The following PCDH9 variants were observed in gnomAD, a reference collection of about 807,000 sequenced individuals.
PCDH9 encodes protocadherin-9.
Under a neutral mutation model 70.6 loss-of-function variants are expected in PCDH9, and 24 were observed. The observed-to-expected ratio is 0.34, with a 90% CI of 0.25 to 0.48. PCDH9 has a LOEUF of 0.48. Among genes scored for constraint, PCDH9 ranks in the 20% least tolerant of loss-of-function variants. The pLI is 0.99. For synonymous variants in PCDH9, 562 were observed against 558.5 expected (o/e 1.01, Z -0.09); for missense variants, 1,281 against 1,503.6 (o/e 0.85, Z 2.45).
At chr13:67,013,154 T>C (rs73211168) in intron 2 of PCDH9, among the ~76,000 whole-genome samples, 24,887 of 151,742 alleles carry the variant, frequency 0.16, 2,163 homozygotes, top group Middle Eastern at 0.24. Flanking sequence ...GGTGAATGTA[T>C]TGGAAAAACA....
intron 3 of PCDH9, among the ~76,000 whole-genome samples, chr13:66,838,399 G>A (rs1192631497): frequency 6.6e-6 from 1 of 151,818 alleles, no homozygotes; most frequent in African/African-American, 2.4e-5. Context: ...TGTCAGTGCA[G>A]TTATTTGGAA....
chr13:66,585,419 A>C (rs1221470816), intron 4 of PCDH9, among the ~76,000 whole-genome samples: 1 of 152,118 alleles, frequency 6.6e-6, no homozygotes, highest in Non-Finnish European at 1.5e-5. Flanking sequence ...CTTATTTTTA[A>C]CAGATTCTTA....
intron 2 of PCDH9, among the ~76,000 whole-genome samples, chr13:67,094,368 A>C (rs2138220614): frequency 6.6e-6 from 1 of 152,350 alleles, no homozygotes; most frequent in South Asian, 2.1e-4. Context: ...ATGTAGCTTA[A>C]CACTATGTAG....
chr13:66,365,548 C>G (rs188728259), intron 4 of PCDH9, among the ~76,000 whole-genome samples: 1 of 152,156 alleles, frequency 6.6e-6, no homozygotes. Context: ...AAATGTGTGA[C>G]TGCTGTGTTA....
intron 3 of PCDH9, among the ~76,000 whole-genome samples, chr13:66,885,462 A>G (rs2081990185): frequency 6.6e-6 from 1 of 152,210 alleles, no homozygotes; most frequent in South Asian, 2.1e-4. Flanking sequence ...ATACTTAATT[A>G]GCTGGGTTAT....
intron 4 of PCDH9, among the ~76,000 whole-genome samples, chr13:66,617,725 T>G (rs4553480): frequency 0.95 from 144,061 of 152,216 alleles, 68,724 homozygotes; most frequent in East Asian, 1. Flanking sequence ...TTTGATACTT[T>G]TTTTCTAATA....
chr13:66,488,727 T>C (rs1340375960), intron 4 of PCDH9, among the ~76,000 whole-genome samples: 1 of 152,174 alleles, frequency 6.6e-6, no homozygotes, highest in African/African-American at 2.4e-5. Flanking sequence ...GTGAATTTAA[T>C]ATAATGACAT....
intron 2 of PCDH9, among the ~76,000 whole-genome samples, chr13:66,906,341 G>A (rs1420211238): frequency 6.6e-6 from 1 of 152,192 alleles, no homozygotes; most frequent in Non-Finnish European, 1.5e-5. Flanking sequence ...CAAACATGAA[G>A]AATGTGAGGA....
chr13:66,713,630 TATA>T (rs1485089898), intron 3 of PCDH9, among the ~76,000 whole-genome samples: 4 of 65,424 alleles, frequency 6.1e-5, no homozygotes, highest in Non-Finnish European at 1.1e-4. Flanking sequence ...TGTGTGTATA[TATA>T]TATATATATA....
intron 2 of PCDH9, among the ~76,000 whole-genome samples, chr13:66,941,887 C>G (rs2083012147): frequency 6.6e-6 from 1 of 151,818 alleles, no homozygotes; most frequent in Admixed American, 6.6e-5. Context: ...TTCAAGTGCA[C>G]CTGGGAAGTG....
chr13:66,437,359 C>A (rs1244312405), intron 4 of PCDH9, among the ~76,000 whole-genome samples: 1 of 132,970 alleles, frequency 7.5e-6, no homozygotes, highest in South Asian at 2.5e-4. Flanking sequence ...GAGCCGAGAT[C>A]GCTCCACCGC....
At position 66,374,054 on chromosome 13, in the gene PCDH9, C is replaced by T. The variant is rs561146579; in HGVS notation, c.3341-69026G>A. On this transcript the variant is annotated intron_variant, in intron 4 of 4. Transcript: ENST00000377865. ...ACAATGATAATTGCTAGGTTAATTG[C>T]TGCAGGGGATTGCCAGAGACTGTCA... Among the ~76,000 whole-genome samples, 15 of 152,168 alleles carry T rather than the reference C, an allele frequency of 9.9e-5. No homozygotes were observed. In the South Asian group the frequency reaches 3.1e-3, roughly 32 times the overall value.
At chr13:67,101,128 C>A (rs1354375705) in intron 2 of PCDH9, among the ~76,000 whole-genome samples, 4 of 152,178 alleles carry the variant, frequency 2.6e-5, no homozygotes, top group Admixed American at 2.6e-4. Flanking sequence ...TCTGCCACTG[C>A]CATCAGCAAT....
intron 2 of PCDH9, among the ~76,000 whole-genome samples, chr13:67,012,418 T>C (rs2084469084): frequency 6.6e-6 from 1 of 151,898 alleles, no homozygotes; most frequent in African/African-American, 2.4e-5. Flanking sequence ...AACAAGTAAG[T>C]TATTACCAAC....
intron 4 of PCDH9, among the ~76,000 whole-genome samples, chr13:66,447,938 CAAG>C (rs959593018): frequency 6.6e-5 from 10 of 152,052 alleles, no homozygotes; most frequent in East Asian, 3.9e-4. Flanking sequence ...GTTTGGAGAA[CAAG>C]AAGAAGAAAA....
chr13:66,591,571 A>C (rs931517513), intron 4 of PCDH9, among the ~76,000 whole-genome samples: 2 of 151,638 alleles, frequency 1.3e-5, no homozygotes, highest in Non-Finnish European at 3.0e-5. Flanking sequence ...ACAGAAATCA[A>C]TTAGCATGTA....
intron 4 of PCDH9, among the ~76,000 whole-genome samples, chr13:66,340,019 T>C (rs1405380243): frequency 6.6e-6 from 1 of 152,124 alleles, no homozygotes; most frequent in East Asian, 1.9e-4. Flanking sequence ...CCTGTGCAAC[T>C]ATACTTGGGG....
intron 3 of PCDH9, among the ~76,000 whole-genome samples, chr13:66,800,286 G>GGGAAAAAA (rs749952448): frequency 6.6e-6 from 1 of 151,804 alleles, no homozygotes; most frequent in African/African-American, 2.4e-5. Context: ...CTCTCATGTT[G>GGGAAAAAA]TTGAAAGAAT....
chr13:66,907,551 C>G (rs2082383907), intron 2 of PCDH9, among the ~76,000 whole-genome samples: 1 of 152,160 alleles, frequency 6.6e-6, no homozygotes, highest in African/African-American at 2.4e-5. Flanking sequence ...CATTCACTAC[C>G]TATAGACATA....
Sources: allele counts gnomAD v4.1 joint callset (sites outside exome capture counted in the v4.1 genomes callset), GRCh38; gene constraint gnomAD v4.1.1; transcripts MANE v1.5; gene names NCBI Gene and HGNC (gene_info 2026-07-23, HGNC 2026-07-21).